Variants in CUL3 observed in about 807,000 individuals in gnomAD.
CUL3 encodes cullin 3, also known as cullin-3.
Under a neutral mutation model 89.1 loss-of-function variants are expected in CUL3, and 19 were observed. That is an observed-to-expected ratio of 0.21 (90% CI 0.15 to 0.31). The LOEUF (loss-of-function observed/expected upper bound fraction) is 0.31, where lower values mean the gene tolerates loss of function less well. Ranked by LOEUF, CUL3 falls within the 10% of genes least tolerant of loss-of-function variation. The probability of loss-of-function intolerance (pLI) is 1.00; values close to 1 mark genes in which losing one functional copy is unlikely to be tolerated. For synonymous variants in CUL3, 351 were observed against 308.4 expected, an observed-to-expected ratio of 1.14 and a Z score of -1.45; for missense variants, 469 against 942.3, an observed-to-expected ratio of 0.50 and a Z score of 6.58.
rs146429337 is a variant in CUL3 at position 224,574,090 on chromosome 2, G to T, written c.66+10854C>A. ...ATGACTTACAAACACATATGTGAAG[G>T]AATTCCTCTTAGCAATGATGGCTTG... On this transcript the variant is annotated intron_variant, in intron 1 of 15. Transcript: ENST00000264414. 5.7e-4 allele frequency among the ~76,000 whole-genome samples: 87 copies of T among 152,296 alleles called. 1 individual carries two copies. The highest frequency in any genetic ancestry group is 2.0e-3 in the African/African-American group (83 of 41,572).
At chr2:224,540,645 A>C (rs1694069097) in intron 2 of CUL3, among the ~76,000 whole-genome samples, 1 of 152,176 alleles carries the variant, frequency 6.6e-6, no homozygotes, top group Non-Finnish European at 1.5e-5. Flanking sequence ...TATTATTGTA[A>C]TAATAGTATT....
At chr2:224,519,822 G>T (rs1693198412) in intron 3 of CUL3, among the ~76,000 whole-genome samples, 2 of 151,826 alleles carry the variant, frequency 1.3e-5, no homozygotes, top group African/African-American at 4.8e-5. Flanking sequence ...ATTCTTGTGA[G>T]GTTTTAATTT....
At chr2:224,577,152 G>A (rs1294129305) in intron 1 of CUL3, among the ~76,000 whole-genome samples, 2 of 152,342 alleles carry the variant, frequency 1.3e-5, no homozygotes, top group African/African-American at 2.4e-5. Context: ...TTAACTATCT[G>A]CTAAGTTCTA....
intron 1 of CUL3, among the ~76,000 whole-genome samples, chr2:224,571,048 G>A (rs914974206): frequency 2.0e-5 from 3 of 152,046 alleles, no homozygotes; most frequent in Admixed American, 1.3e-4. Flanking sequence ...ATGTGATAAT[G>A]ACCACAACAA....
intron 13 of CUL3, among the ~76,000 whole-genome samples, chr2:224,484,149 C>A (rs1366288537): frequency 6.6e-6 from 1 of 151,806 alleles, no homozygotes; most frequent in African/African-American, 2.4e-5. Flanking sequence ...CCAGTCTGGG[C>A]AAGAATGAGA....
chr2:224,501,669 G>C (rs1202190267), intron 10 of CUL3, among the ~76,000 whole-genome samples: 2 of 152,128 alleles, frequency 1.3e-5, no homozygotes, highest in Non-Finnish European at 2.9e-5. Context: ...AATAAACTTG[G>C]ATGATGCACA....
rs146459312 is a variant in CUL3, at chr2:224,511,469, C to G, written c.768G>C (p.Thr256=). Residue 256 remains threonine, a synonymous_variant, in exon 6 of 16, where the codon ACG becomes ACC. Coordinates refer to ENST00000264414, the MANE Select transcript of CUL3 (RefSeq NM_003590.5). ...ERVMHCLDKS[T]EEPIVKVVER... is the part of the protein sequence containing the mutation. ...CAACCACCTTTACAATTGGTTCTTC[C>G]GTTGATTTGTCAAGGCAGTGCATCA... The G allele has an allele frequency of 6.2e-7, 1 of 1,613,476 alleles. No individual in the cohort carries two copies. Among genetic ancestry groups the G allele is most frequent in the Non-Finnish European group, 8.5e-7 (1 of 1,179,602 alleles).
At chr2:224,571,722 T>G (rs111849619) in intron 1 of CUL3, among the ~76,000 whole-genome samples, 51 of 152,334 alleles carry the variant, frequency 3.3e-4, no homozygotes, top group Middle Eastern at 3.4e-3. Context: ...CCATCATCAC[T>G]GAACCATACC....
intron 2 of CUL3, among the ~76,000 whole-genome samples, chr2:224,557,318 C>T (rs1295280945): frequency 6.6e-6 from 1 of 151,622 alleles, no homozygotes; most frequent in Admixed American, 6.6e-5. Context: ...TTCAAATATA[C>T]AGAAAAATGA....
At position 224,470,952 on chromosome 2, in the gene CUL3, CA is replaced by C. The variant is rs1691110358; in HGVS notation, c.*3292del. Reference sequence around the variant, plus strand: ...TCCTGGCTCTGCCATTTCCTGCTAGCAACCTTGGACAACACTGGTATAATGA... The same window carrying C: ...TCCTGGCTCTGCCATTTCCTGCTAGCACCTTGGACAACACTGGTATAATGA... On this transcript the variant is annotated 3_prime_UTR_variant, in exon 16 of 16. Transcript: ENST00000264414. 3 of 228,696 alleles carry C rather than the reference CA, an allele frequency of 1.3e-5. No homozygotes were observed. The highest frequency in any genetic ancestry group is 1.3e-3 in the Middle Eastern group (1 of 782). The allele number at this position is 228,696 out of a possible 1,614,324, so 14.2% of individuals were successfully genotyped here.
Position 224,474,373 on chromosome 2 carries a change from T to C in CUL3, c.2179A>G (p.Thr727Ala). 2 of 1,612,150 alleles carry C rather than the reference T, an allele frequency of 1.2e-6. No homozygotes were observed. The highest frequency in any genetic ancestry group is 1.7e-6 in the Non-Finnish European group (2 of 1,179,292). Reference protein sequence around the residue: ...MQHNVLVAEVTQQLKARFLPS... With the variant: ...MQHNVLVAEVAQQLKARFLPS... ...AAGAATCGCGCCTTCAACTGCTGAG[T>C]TACCTAAAAAAGAAAGTAGATAGTA... Residue 727 changes from threonine (T) to alanine (A), a missense_variant, in exon 16 of 16, where the codon ACT (threonine) becomes GCT (alanine). Physicochemically the swap from Thr to Ala is moderately conservative, Grantham distance 58. Coordinates refer to ENST00000264414, the MANE Select transcript of CUL3 (RefSeq NM_003590.5).
rs921207950 is a variant in CUL3, at chr2:224,473,114, T to C, written c.*1131A>G. The C allele has an allele frequency of 4.9e-6, 1 of 204,318 alleles. No homozygotes were observed. The highest frequency in any genetic ancestry group is 2.3e-5 in the African/African-American group (1 of 43,742). The allele number at this position is 204,318 out of a possible 1,614,324, so 12.7% of individuals were successfully genotyped here. ...CTCTTTGGAGGACAATAGCTAAATA[T>C]CCAAGAATCATCAGGTTTGAGAAAT... On this transcript the variant is annotated 3_prime_UTR_variant, in exon 16 of 16. Transcript: ENST00000264414.
rs555118318 is a variant in CUL3, at chr2:224,579,958, T to C, written c.66+4986A>G. On this transcript the variant is annotated intron_variant, in intron 1 of 15. Coordinates refer to ENST00000264414, the MANE Select transcript of CUL3 (RefSeq NM_003590.5). ...CCCAGACAGTAAAAATGGTAAGAAA[T>C]GATTTTTCAAAGATAAAGATAATAA... 2.0e-3 allele frequency among the ~76,000 whole-genome samples: 310 copies of C among 152,202 alleles called. 1 individual carries two copies. The highest frequency in any genetic ancestry group is 3.4e-3 in the Middle Eastern group (1 of 294).
At chr2:224,524,461 C>A (rs962637306) in intron 3 of CUL3, among the ~76,000 whole-genome samples, 2 of 151,928 alleles carry the variant, frequency 1.3e-5, no homozygotes, top group Admixed American at 1.3e-4. Context: ...GGCTGAAGAT[C>A]TGTGCTGAAG....
In CUL3 at chr2:224,472,367, A is replaced by G. The variant is rs1198302688; in HGVS notation, c.*1878T>C. 4.8e-6 allele frequency: 1 copy of G among 209,544 alleles called. No homozygotes were observed. Among genetic ancestry groups the G allele is most frequent in the African/African-American group, 2.3e-5 (1 of 44,038 alleles). 13.0% of individuals were successfully genotyped at this position (209,544 alleles called of 1,614,324 possible). A position where few individuals can be genotyped will look rare whatever the true frequency, so the allele number is the denominator to read the frequency against. ...TCATGTTTACTAACTCGACAATCTG[A>G]GCTGTCCTGTTTTCCCAGGTGTTAA... On this transcript the variant is annotated 3_prime_UTR_variant, in exon 16 of 16. Coordinates refer to ENST00000264414, the MANE Select transcript of CUL3 (RefSeq NM_003590.5).
At chr2:224,537,571 A>G (rs955498278) in intron 2 of CUL3, among the ~76,000 whole-genome samples, 1 of 152,172 alleles carries the variant, frequency 6.6e-6, no homozygotes, top group Non-Finnish European at 1.5e-5. Flanking sequence ...AAATCCCAAC[A>G]AAAACCCAGC....
At chr2:224,509,603 T>C (rs1559151963) in intron 6 of CUL3, among the ~76,000 whole-genome samples, 1 of 152,244 alleles carries the variant, frequency 6.6e-6, no homozygotes, top group Non-Finnish European at 1.5e-5. Context: ...AGGAGAACTC[T>C]GGTGAGTACT....
intron 2 of CUL3, chr2:224,556,510 T>C (rs1210528024): frequency 2.0e-5 from 3 of 152,126 alleles, no homozygotes; most frequent in African/African-American, 7.2e-5. Flanking sequence ...AACTGACCTA[T>C]ACTCTTCAAA....
At chr2:224,491,073 A>C (rs1368895809) in intron 13 of CUL3, among the ~76,000 whole-genome samples, 1 of 152,180 alleles carries the variant, frequency 6.6e-6, no homozygotes. Context: ...TTCCTACCTA[A>C]GACCCATCCC....
Sources: gnomAD v4.1 joint callset for allele counts (sites outside exome capture counted in the v4.1 genomes callset) on GRCh38, gnomAD v4.1.1 for gene constraint, MANE v1.5 for transcripts, NCBI Gene and HGNC (gene_info 2026-07-23, HGNC 2026-07-21) for gene names.